Variants in LDLRAP1 observed in about 807,000 individuals in gnomAD.
LDLRAP1 encodes low density lipoprotein receptor adapter protein 1.
Under a neutral mutation model 37.8 loss-of-function variants are expected in LDLRAP1, and 30 were observed. The observed-to-expected ratio is 0.79, with a 90% CI of 0.59 to 1.08. The LOEUF is 1.08. Ranked by LOEUF, LDLRAP1 falls within the 50% of genes least tolerant of loss-of-function variation. The pLI is 0.00. For missense variants in LDLRAP1, 375 were observed against 401.6 expected (o/e 0.93, Z 0.57); for synonymous variants, 156 against 169.8 (o/e 0.92, Z 0.63).
chr1:25,550,758 G>C (rs1051034833), intron 1 of LDLRAP1, among the ~76,000 whole-genome samples: 14 of 152,180 alleles, frequency 9.2e-5, no homozygotes, highest in Admixed American at 4.6e-4. Flanking sequence ...AGGGCCTAAG[G>C]CTGATGAGTG....
chr1:25,582,846 C>T, the LDLRAP1 span, among the ~76,000 whole-genome samples: 3 of 151,874 alleles, frequency 2.0e-5, no homozygotes, highest in Middle Eastern at 3.4e-3. Flanking sequence ...CCGAGGTGGG[C>T]GGATTACCTG....
rs892517057 is a variant in LDLRAP1, at chr1:25,544,055, G to T, written c.88+269G>T. On this transcript the variant is annotated intron_variant, in intron 1 of 8. Coordinates refer to ENST00000374338, the MANE Select transcript of LDLRAP1 (RefSeq NM_015627.3). This position sits in a 1 kb window ranked among gnomAD's most constrained non-coding sequence, Gnocchi z 4.8. ...GGGTCCTCAGGTGCAGCCGGCATGG[G>T]GTGGGGTGCAGGTTGGGAGAAGAGG... is the stretch of plus-strand genomic sequence containing the variant. Among the ~76,000 whole-genome samples the T allele has an allele frequency of 5.3e-5, 8 of 152,146 alleles. No individual in the cohort carries two copies. The highest frequency in any genetic ancestry group is 1.2e-4 in the Non-Finnish European group (8 of 68,004).
chr1:25,565,862 A>G (rs1320780970), intron 8 of LDLRAP1, among the ~76,000 whole-genome samples: 2 of 152,152 alleles, frequency 1.3e-5, no homozygotes, highest in Non-Finnish European at 2.9e-5. Flanking sequence ...AGCCTCCTAC[A>G]GCCCTCCCAC....
the LDLRAP1 span, among the ~76,000 whole-genome samples, chr1:25,585,663 G>A: frequency 4.6e-5 from 7 of 152,176 alleles, no homozygotes; most frequent in Non-Finnish European, 8.8e-5. Context: ...GTTGGAACTG[G>A]CCTCTGGGCC....
chr1:25,555,438 C>A lies in LDLRAP1; in HGVS notation c.344+466C>A, dbSNP rs1020319963. Among the ~76,000 whole-genome samples, 23 of 152,114 alleles carry A rather than the reference C, an allele frequency of 1.5e-4. 1 individual carries two copies. Among genetic ancestry groups the A allele is most frequent in the African/African-American group, 5.3e-4 (22 of 41,406 alleles). ...TCTCTCTAGTGGGTCCTCTGGTCAG[C>A]CCTTAGAGCCTCAGACTATCCCCAC... On this transcript the variant is annotated intron_variant, in intron 3 of 8. Coordinates refer to ENST00000374338, the MANE Select transcript of LDLRAP1 (RefSeq NM_015627.3). The surrounding 1 kb of genome is among the most constrained non-coding windows in gnomAD (Gnocchi z 4.7).
the LDLRAP1 span, among the ~76,000 whole-genome samples, chr1:25,587,450 C>T: frequency 3.9e-5 from 6 of 152,162 alleles, no homozygotes; most frequent in East Asian, 5.8e-4. Context: ...CCACTGCATC[C>T]GGCCATGACT....
chr1:25,552,271 A>G (rs1437190298), intron 1 of LDLRAP1, among the ~76,000 whole-genome samples: 1 of 152,182 alleles, frequency 6.6e-6, no homozygotes, highest in Non-Finnish European at 1.5e-5. Context: ...AGGGGCCCAC[A>G]TCCCTGCCAG....
At chr1:25,553,678 G>A in intron 1 of LDLRAP1, 1 of 508,144 alleles carries the variant, frequency 2.0e-6, no homozygotes, top group East Asian at 3.6e-5. Context: ...GGCAGAGGCA[G>A]GAGAATCGCT....
chr1:25,557,021 A>G, intron 3 of LDLRAP1, 132 bp from the exon 4 acceptor site: 1 of 748,884 alleles, frequency 1.3e-6, no homozygotes, highest in Non-Finnish European at 2.4e-6. Flanking sequence ...CCAAGGCTGG[A>G]TTCCCAGAGT....
chr1:25,555,034 C>T lies in LDLRAP1; in HGVS notation c.344+62C>T, dbSNP rs2044167964. ...ACTTGGGGCAGTGGGTGGAGTATCC[C>T]ATCTGAATCCAGGCTCTACCACTTC... is the stretch of plus-strand genomic sequence containing the variant. On this transcript the variant is annotated intron_variant, in intron 3 of 8. Transcript: ENST00000374338. The surrounding 1 kb of genome is among the most constrained non-coding windows in gnomAD (Gnocchi z 4.7). 8.4e-7 allele frequency: 1 copy of T among 1,194,926 alleles called. No individual in the cohort carries two copies. The highest frequency in any genetic ancestry group is 1.2e-6 in the Non-Finnish European group (1 of 803,838). 74.0% of individuals were successfully genotyped at this position (1,194,926 alleles called of 1,614,324 possible).
intron 4 of LDLRAP1, 134 bp downstream of exon 4, chr1:25,557,401 A>G (rs1361414497): frequency 7.0e-6 from 5 of 716,166 alleles, no homozygotes; most frequent in South Asian, 6.7e-5. Flanking sequence ...ATCTCTGGGA[A>G]CCCCAAGTGG....
chr1:25,558,376 G>A (rs1467222237), intron 4 of LDLRAP1, among the ~76,000 whole-genome samples: 1 of 152,132 alleles, frequency 6.6e-6, no homozygotes, highest in Non-Finnish European at 1.5e-5. Context: ...CTGCCCATCA[G>A]GACACACTTT....
At chr1:25,560,460 A>T (rs1054546548) in intron 4 of LDLRAP1, among the ~76,000 whole-genome samples, 3 of 152,096 alleles carry the variant, frequency 2.0e-5, no homozygotes, top group African/African-American at 7.2e-5. Context: ...GGGTTCCTCC[A>T]GGGAATCCCT....
At chr1:25,570,100 G>C (rs557575061), downstream of LDLRAP1, among the ~76,000 whole-genome samples, 9 of 152,224 alleles carry the variant, frequency 5.9e-5, no homozygotes, top group Non-Finnish European at 2.9e-5. Context: ...TATTTTAAGC[G>C]TCCAGAACCC....
In LDLRAP1 at chr1:25,554,961, G is replaced by GTCCA. The variant is rs2044165672; in HGVS notation, c.335_338dup (p.Tyr114HisfsTer58). ...TCACCAACCAGCTCATTGAGAACGT[G>GTCCA]TCCATATACAGGTACGCTCAGCATG... On this transcript the variant is annotated frameshift_variant, in exon 3 of 9. Transcript: ENST00000374338. LOFTEE classifies it high-confidence loss of function. The surrounding 1 kb of genome is among the most constrained non-coding windows in gnomAD (Gnocchi z 5.4). 1 of 1,613,532 alleles carries GTCCA rather than the reference G, an allele frequency of 6.2e-7. No individual in the cohort carries two copies. The highest frequency in any genetic ancestry group is 1.1e-5 in the South Asian group (1 of 91,066).
At position 25,557,491 on chromosome 1, in the gene LDLRAP1, T is replaced by C. The variant is rs1307130411; in HGVS notation, c.459+224T>C. 4 of 589,486 alleles carry C rather than the reference T, an allele frequency of 6.8e-6. No homozygotes were observed. The Admixed American group carries it at 1.2e-4, about 17-fold the overall frequency. The allele number at this position is 589,486 out of a possible 1,614,324, so 36.5% of individuals were successfully genotyped here. On this transcript the variant is annotated intron_variant, in intron 4 of 8. Transcript: ENST00000374338. ...CGGTCAGCTTTGTGTGGGCAGTAGCTGGCCCATGTCCCCAGTGTGTGTCTG... is the reference window on the plus strand; with the variant it reads ...CGGTCAGCTTTGTGTGGGCAGTAGCCGGCCCATGTCCCCAGTGTGTGTCTG...
chr1:25,581,150 G>C, the LDLRAP1 span, among the ~76,000 whole-genome samples: 4 of 152,166 alleles, frequency 2.6e-5, no homozygotes, highest in African/African-American at 9.7e-5. Context: ...AGCAAATGGG[G>C]TGTGAGGAAC....
In LDLRAP1 at chr1:25,555,107, G is replaced by A. The variant is rs1258550976; in HGVS notation, c.344+135G>A. The A allele has an allele frequency of 2.7e-6, 2 of 736,914 alleles. No individual in the cohort carries two copies. The highest frequency in any genetic ancestry group is 1.7e-5 in the African/African-American group (1 of 57,814). The allele number at this position is 736,914 out of a possible 1,614,324, so 45.6% of individuals were successfully genotyped here. A position where few individuals can be genotyped will look rare whatever the true frequency, so the allele number is the denominator to read the frequency against. On this transcript the variant is annotated intron_variant, in intron 3 of 8. Transcript: ENST00000374338. This position sits in a 1 kb window ranked among gnomAD's most constrained non-coding sequence, Gnocchi z 4.7. The stretch of plus-strand genomic sequence containing the variant: ...TCAGTTTCCTCATCTGTAAAATGGG[G>A]GTGGGAACAGATCCTGCTGCACAGC...
rs1383446516 is a variant in LDLRAP1, at chr1:25,563,058, T to G, written c.533-12T>G. On this transcript the variant is annotated splice_polypyrimidine_tract_variant and intron_variant, in intron 5 of 8. Coordinates refer to ENST00000374338, the MANE Select transcript of LDLRAP1 (RefSeq NM_015627.3). ...GTCTGAGGCTCCAACATGTTGTGCC[T>G]TGGTCCTGCAGAGAAAGAGAAGAGG... 1 of 1,613,640 alleles carries G rather than the reference T, an allele frequency of 6.2e-7. No homozygotes were observed. Among genetic ancestry groups the G allele is most frequent in the African/African-American group, 1.3e-5 (1 of 74,876 alleles).
Sources: gnomAD v4.1 joint callset for allele counts (sites outside exome capture counted in the v4.1 genomes callset) on GRCh38, gnomAD v4.1.1 for gene constraint, Gnocchi (gnomAD v3.1) non-coding constraint, MANE v1.5 for transcripts, NCBI Gene and HGNC (gene_info 2026-07-23, HGNC 2026-07-21) for gene names.